Variants in COL4A4 observed in about 807,000 individuals in gnomAD.
The protein encoded by COL4A4 is collagen alpha-4(IV) chain.
In COL4A4, 105 loss-of-function variants were observed where a neutral mutation model predicts 192.9. The observed-to-expected ratio is 0.54, with a 90% confidence interval of 0.46 to 0.64. COL4A4 has a LOEUF of 0.64. Among genes scored for constraint, COL4A4 ranks in the 30% least tolerant of loss-of-function variants. The probability of loss-of-function intolerance (pLI) is 0.00; values close to 1 mark genes in which losing one functional copy is unlikely to be tolerated. For missense variants in COL4A4, 1,967 were observed against 2,169.3 expected (o/e 0.91, Z 1.85); for synonymous variants, 762 against 769.9 (o/e 0.99, Z 0.17).
intron 4 of COL4A4, among the ~76,000 whole-genome samples, chr2:227,128,878 C>T (rs1186287685): frequency 6.6e-6 from 1 of 152,122 alleles, no homozygotes; most frequent in African/African-American, 2.4e-5. Flanking sequence ...TTCACCAACA[C>T]CTGCAATGGG....
intron 1 of COL4A4, among the ~76,000 whole-genome samples, chr2:227,158,187 TG>T (rs1198248040): frequency 6.6e-6 from 1 of 152,132 alleles, no homozygotes; most frequent in East Asian, 1.9e-4. Context: ...TCAAACATGA[TG>T]ATCAATTGAT....
chr2:227,029,083 C>A (rs1024550751), intron 41 of COL4A4, among the ~76,000 whole-genome samples: 3 of 152,230 alleles, frequency 2.0e-5, no homozygotes, highest in Non-Finnish European at 2.9e-5. Context: ...AACTCACTCT[C>A]TTTATAGTGA....
At chr2:227,144,396 T>G in intron 3 of COL4A4, 120 bp downstream of exon 3, 1 of 823,748 alleles carries the variant, frequency 1.2e-6, no homozygotes, top group Non-Finnish European at 2.1e-6. Context: ...AGTCCTATTC[T>G]CCATTTTACA....
intron 19 of COL4A4, among the ~76,000 whole-genome samples, chr2:227,094,628 A>C (rs2060112974): frequency 6.6e-6 from 1 of 152,214 alleles, no homozygotes; most frequent in Non-Finnish European, 1.5e-5. Context: ...TCTACTGTAC[A>C]GCGTGAAAAT....
intron 47 of COL4A4, 102 bp downstream of exon 47, chr2:227,007,916 G>T: frequency 7.0e-7 from 1 of 1,427,202 alleles, no homozygotes; most frequent in Non-Finnish European, 9.6e-7. Flanking sequence ...TATGTCCTAA[G>T]CGCAGAGTGC....
At chr2:227,040,048 C>T (rs1970470641) in intron 37 of COL4A4, among the ~76,000 whole-genome samples, 1 of 152,182 alleles carries the variant, frequency 6.6e-6, no homozygotes. Context: ...ACCACACTAC[C>T]ACTTCTGGAA....
rs1434164677 is a variant in COL4A4 at position 227,003,019 on chromosome 2, G to C, written c.*4306C>G. On this transcript the variant is annotated 3_prime_UTR_variant, in exon 48 of 48. Coordinates refer to ENST00000396625, the MANE Select transcript of COL4A4 (RefSeq NM_000092.5). ...CTAGCAGATGATAACAGTGACAATTGCAGAGTACTGATTTTTAATGTCAAT... is the reference window on the plus strand; with the variant it reads ...CTAGCAGATGATAACAGTGACAATTCCAGAGTACTGATTTTTAATGTCAAT... 6.6e-6 allele frequency: 1 copy of C among 152,604 alleles called. No homozygotes were observed. Among genetic ancestry groups the C allele is most frequent in the African/African-American group, 2.4e-5 (1 of 41,444 alleles). 9.5% of individuals were successfully genotyped at this position (152,604 alleles called of 1,614,324 possible). A position where few individuals can be genotyped will look rare whatever the true frequency, so the allele number is the denominator to read the frequency against.
At chr2:227,111,752 T>G in intron 8 of COL4A4, 39 bp from the exon 9 acceptor site, 1 of 1,598,342 alleles carries the variant, frequency 6.3e-7, no homozygotes, top group Middle Eastern at 1.7e-4. Context: ...GTCCACACAA[T>G]GTTCCTAAAA....
intron 42 of COL4A4, 131 bp from the exon 43 acceptor site, chr2:227,025,941 A>T: frequency 1.3e-6 from 1 of 773,420 alleles, no homozygotes. Context: ...AGGCAGCATC[A>T]ATGACAAGCA....
intron 25 of COL4A4, among the ~76,000 whole-genome samples, chr2:227,069,808 G>A (rs1486980171): frequency 6.6e-6 from 1 of 150,880 alleles, no homozygotes; most frequent in Non-Finnish European, 1.5e-5. Context: ...CATAGGCATG[G>A]GCAAGGACTT....
intron 37 of COL4A4, among the ~76,000 whole-genome samples, chr2:227,037,424 T>C (rs1217281996): frequency 1.3e-5 from 2 of 152,234 alleles, no homozygotes; most frequent in African/African-American, 4.8e-5. Flanking sequence ...CTCATCCTTT[T>C]TTTATGGCTG....
In COL4A4 at chr2:227,005,410, T is replaced by C. The variant is rs973137141; in HGVS notation, c.*1915A>G. 2.6e-5 allele frequency: 4 copies of C among 152,232 alleles called. No homozygotes were observed. Among genetic ancestry groups the C allele is most frequent in the South Asian group, 4.1e-4 (2 of 4,822 alleles). The allele number at this position is 152,232 out of a possible 1,614,324, so 9.4% of individuals were successfully genotyped here. On this transcript the variant is annotated 3_prime_UTR_variant, in exon 48 of 48. Transcript: ENST00000396625. ...GACTTTTGGTAATAGATAAAGCTTT[T>C]TGGGAAGGAGAAAGGTAATCACAAA... is the stretch of plus-strand genomic sequence containing the variant.
At chr2:227,161,915 G>C (rs1434526617) in intron 1 of COL4A4, among the ~76,000 whole-genome samples, 1 of 151,300 alleles carries the variant, frequency 6.6e-6, no homozygotes, top group East Asian at 1.9e-4. Flanking sequence ...TCTCATCAGG[G>C]CCACCTATTT....
chr2:227,057,382 G>C, intron 29 of COL4A4, 57 bp downstream of exon 29: 3 of 1,539,182 alleles, frequency 1.9e-6, no homozygotes, highest in Non-Finnish European at 2.6e-6. Flanking sequence ...TAAAAGGGGA[G>C]CTTATTTAAT....
chr2:227,114,901 A>T (rs1011594857), intron 7 of COL4A4, among the ~76,000 whole-genome samples: 2 of 152,224 alleles, frequency 1.3e-5, no homozygotes, highest in African/African-American at 4.8e-5. Context: ...AGATCTGTTA[A>T]GGAATCTTCT....
At chr2:227,038,752 A>G (rs1000029305) in intron 37 of COL4A4, among the ~76,000 whole-genome samples, 29 of 152,244 alleles carry the variant, frequency 1.9e-4, no homozygotes, top group Non-Finnish European at 3.8e-4. Context: ...TTGTTCAAAC[A>G]AGATAATCAG....
At chr2:227,083,124 G>A (rs1234258800) in intron 22 of COL4A4, among the ~76,000 whole-genome samples, 1 of 152,178 alleles carries the variant, frequency 6.6e-6, no homozygotes, top group East Asian at 1.9e-4. Flanking sequence ...AGCTACTTGG[G>A]AGGCTGAGGC....
chr2:227,127,973 A>C (rs1308982311), intron 4 of COL4A4, among the ~76,000 whole-genome samples: 1 of 152,210 alleles, frequency 6.6e-6, no homozygotes, highest in African/African-American at 2.4e-5. Flanking sequence ...TTATCATAAA[A>C]AATGTCACAG....
chr2:227,094,309 T>A lies in COL4A4; in HGVS notation c.1205-20A>T. 1 of 1,611,166 alleles carries A rather than the reference T, an allele frequency of 6.2e-7. No homozygotes were observed. Among genetic ancestry groups the A allele is most frequent in the African/African-American group, 1.3e-5 (1 of 74,968 alleles). On this transcript the variant is annotated intron_variant, in intron 19 of 47. Coordinates refer to ENST00000396625, the MANE Select transcript of COL4A4 (RefSeq NM_000092.5). ...TCATGCCTGCAAGATAAATCAAGAA[T>A]GAAAATTACATATACTCTCAGAGTA... is the stretch of plus-strand genomic sequence containing the variant.
Sources: gnomAD v4.1 joint callset for allele counts (sites outside exome capture counted in the v4.1 genomes callset) on GRCh38, gnomAD v4.1.1 for gene constraint, MANE v1.5 for transcripts, NCBI Gene and HGNC (gene_info 2026-07-23, HGNC 2026-07-21) for gene names.